The following CCNY variants were observed in gnomAD, a reference collection of about 807,000 sequenced individuals.
CCNY encodes the protein cyclin Y, also known as cyclin-Y.
A neutral mutation model predicts 42.8 loss-of-function variants in CCNY; 19 were observed. That is an observed-to-expected ratio of 0.44 (90% CI 0.31 to 0.65). The LOEUF is 0.65. Ranked by LOEUF, CCNY falls within the 30% of genes least tolerant of loss-of-function variation. The pLI, the probability that CCNY is intolerant of heterozygous loss-of-function variation, is 0.07. For synonymous variants in CCNY, 165 were observed against 162.7 expected, an observed-to-expected ratio of 1.01 and a Z score of -0.11; for missense variants, 370 against 437.3, an observed-to-expected ratio of 0.85 and a Z score of 1.37.
intron 3 of CCNY, among the ~76,000 whole-genome samples, chr10:35,308,721 G>A (rs904154968): frequency 1.3e-5 from 2 of 152,168 alleles, no homozygotes; most frequent in East Asian, 1.9e-4. Flanking sequence ...GCAGATAAGA[G>A]CTCATTTCAG....
At chr10:35,281,416 C>T (rs934417894) in intron 3 of CCNY, among the ~76,000 whole-genome samples, 1 of 152,080 alleles carries the variant, frequency 6.6e-6, no homozygotes, top group East Asian at 1.9e-4. Flanking sequence ...TCTCTTGCCT[C>T]AGCCTCCCAA....
At chr10:35,557,384 T>G (rs1363741571) in intron 8 of CCNY, among the ~76,000 whole-genome samples, 1 of 152,184 alleles carries the variant, frequency 6.6e-6, no homozygotes, top group East Asian at 1.9e-4. Flanking sequence ...TGCAGTAGTG[T>G]TTTCTGGATG....
intron 3 of CCNY, among the ~76,000 whole-genome samples, chr10:35,502,960 T>C (rs558453781): frequency 6.6e-5 from 10 of 152,260 alleles, no homozygotes; most frequent in Non-Finnish European, 1.5e-4. Context: ...TCACTGCAGC[T>C]CCATGGAAGG....
chr10:35,252,451 A>G (rs1021532528), intron 3 of CCNY, among the ~76,000 whole-genome samples: 1 of 151,656 alleles, frequency 6.6e-6, no homozygotes, highest in Non-Finnish European at 1.5e-5. Flanking sequence ...CTGTAGTCCC[A>G]GCTACTCGGG....
chr10:35,504,384 A>G (rs1292492324), intron 3 of CCNY, among the ~76,000 whole-genome samples: 5 of 152,192 alleles, frequency 3.3e-5, no homozygotes, highest in African/African-American at 1.2e-4. Flanking sequence ...ATGGTCCCCC[A>G]GGCTGGAAAA....
chr10:35,258,985 G>C (rs900961231), intron 3 of CCNY, among the ~76,000 whole-genome samples: 28 of 151,154 alleles, frequency 1.9e-4, no homozygotes, highest in African/African-American at 6.8e-4. Context: ...GTGGGGAAAG[G>C]TGGTGAGGAA....
rs117912301 is a variant in CCNY at position 35,537,641 on chromosome 10, C to T, written c.579+7398C>T. ...AAAATTTGACTTCCCTGCTGGATTT[C>T]GGGCTTGCTTGGGCCCTGTAACTTC... On this transcript the variant is annotated intron_variant, in intron 7 of 9. Transcript: ENST00000374704. 9.9e-3 allele frequency among the ~76,000 whole-genome samples: 1,506 copies of T among 152,282 alleles called. 12 individuals are homozygous for T. The highest frequency in any genetic ancestry group is 0.036 in the South Asian group (174 of 4,828).
intron 1 of CCNY, among the ~76,000 whole-genome samples, chr10:35,415,798 C>A (rs1443693833): frequency 2.6e-5 from 4 of 152,174 alleles, no homozygotes; most frequent in Non-Finnish European, 5.9e-5. Context: ...ACTTCCAGAT[C>A]ACTGTAGGCC....
intron 3 of CCNY, among the ~76,000 whole-genome samples, chr10:35,257,867 T>G (rs1353481690): frequency 6.6e-6 from 1 of 152,220 alleles, no homozygotes; most frequent in Non-Finnish European, 1.5e-5. Flanking sequence ...TTCCATAATA[T>G]GTATGTTGGT....
chr10:35,327,650 C>A (rs888110889), intron 3 of CCNY: 4 of 152,186 alleles, frequency 2.6e-5, no homozygotes, highest in Non-Finnish European at 5.9e-5. Flanking sequence ...AAGATAGTAA[C>A]CTAAATCCTG....
rs1464393722 is a variant in CCNY, at chr10:35,392,735, TGGA to T, written c.154+55530_154+55532del. 2.0e-5 allele frequency among the ~76,000 whole-genome samples: 3 copies of T among 151,876 alleles called. No homozygotes were observed. In the East Asian group the frequency reaches 5.8e-4, roughly 29 times the overall value. On this transcript the variant is annotated intron_variant, in intron 1 of 9. Transcript: ENST00000374704. ...TGTACAGTCACCGCAGAGTTGGGAG[TGGA>T]GAAGTGACATGACCAGGTGACAGGA... is the stretch of plus-strand genomic sequence containing the variant.
chr10:35,456,876 G>A (rs1018925246), intron 1 of CCNY, among the ~76,000 whole-genome samples: 8 of 152,242 alleles, frequency 5.3e-5, no homozygotes, highest in African/African-American at 1.9e-4. Flanking sequence ...ACGTGGCCTA[G>A]AACACCATTC....
At chr10:35,569,024 C>G in intron 9 of CCNY, 30 bp from the exon 10 acceptor site, 1 of 1,458,810 alleles carries the variant, frequency 6.9e-7, no homozygotes, top group Non-Finnish European at 9.6e-7. Context: ...ATGGCCCGCC[C>G]TGACCCACAC....
intron 1 of CCNY, among the ~76,000 whole-genome samples, chr10:35,466,099 G>T (rs181722464): frequency 2.0e-5 from 3 of 151,890 alleles, no homozygotes; most frequent in African/African-American, 7.3e-5. Context: ...CTAATTTACC[G>T]GCTCATTTCT....
chr10:35,562,353 A>G (rs778690601), intron 8 of CCNY, among the ~76,000 whole-genome samples: 2 of 152,228 alleles, frequency 1.3e-5, no homozygotes, highest in African/African-American at 2.4e-5. Context: ...ATTTTTAAGT[A>G]TACATTTCTG....
chr10:35,335,305 A>C (rs552171410), upstream of CCNY, among the ~76,000 whole-genome samples: 1 of 152,190 alleles, frequency 6.6e-6, no homozygotes, highest in Admixed American at 6.5e-5. Context: ...TGTTCCCAAC[A>C]TGACAAAACC....
intron 3 of CCNY, among the ~76,000 whole-genome samples, chr10:35,283,836 C>A (rs1464604340): frequency 6.6e-6 from 1 of 152,166 alleles, no homozygotes; most frequent in Non-Finnish European, 1.5e-5. Flanking sequence ...GTATTTCCAA[C>A]ACATTGGGAG....
chr10:35,442,066 A>G (rs566380442), intron 1 of CCNY, among the ~76,000 whole-genome samples: 27 of 152,354 alleles, frequency 1.8e-4, no homozygotes, highest in African/African-American at 6.3e-4. Context: ...TAATAGCTTA[A>G]AAGTCCTAGT....
At chr10:35,500,114 T>C (rs1840081168) in intron 2 of CCNY, among the ~76,000 whole-genome samples, 1 of 152,242 alleles carries the variant, frequency 6.6e-6, no homozygotes, top group Admixed American at 6.5e-5. Context: ...TGTGCACTCG[T>C]GCTCTGTGTG....
Sources: allele counts gnomAD v4.1 joint callset (sites outside exome capture counted in the v4.1 genomes callset), GRCh38; gene constraint gnomAD v4.1.1; transcripts MANE v1.5; gene names NCBI Gene and HGNC (gene_info 2026-07-23, HGNC 2026-07-21).